Variants in SH3BGRL2 observed in about 807,000 individuals in gnomAD.
SH3BGRL2 encodes SH3 domain binding glutamate rich protein like 2.
Under a neutral mutation model 14.8 loss-of-function variants are expected in SH3BGRL2, and 21 were observed. The ratio of observed to expected loss-of-function variants is 1.42; its 90% CI spans 1.01 to 2.05. SH3BGRL2 has a LOEUF of 2.05. Among genes scored for constraint, SH3BGRL2 ranks in the 30% most tolerant of loss-of-function variants. SH3BGRL2 has a pLI of 0.00. For synonymous variants in SH3BGRL2, 50 were observed against 47.8 expected (o/e 1.05, Z -0.19); for missense variants, 147 against 130.8 (o/e 1.12, Z -0.61).
At chr6:79,602,714 G>A in the SH3BGRL2 span, among the ~76,000 whole-genome samples, 3 of 152,072 alleles carry the variant, frequency 2.0e-5, no homozygotes, top group Admixed American at 2.0e-4. Flanking sequence ...CAACTCAAAC[G>A]TTAAGAAAAA....
At chr6:79,657,195 T>C (rs1301855516) in intron 1 of SH3BGRL2, among the ~76,000 whole-genome samples, 1 of 151,886 alleles carries the variant, frequency 6.6e-6, no homozygotes, top group African/African-American at 2.4e-5. Flanking sequence ...ATGAGGAGTA[T>C]AAAATTCTGA....
chr6:79,642,955 G>T (rs1297601631), intron 1 of SH3BGRL2, among the ~76,000 whole-genome samples: 1 of 152,198 alleles, frequency 6.6e-6, no homozygotes, highest in Non-Finnish European at 1.5e-5. Flanking sequence ...GGTAAAAGCA[G>T]TAAGGGGCTT....
At chr6:79,594,576 A>C in the SH3BGRL2 span, among the ~76,000 whole-genome samples, 1 of 151,942 alleles carries the variant, frequency 6.6e-6, no homozygotes, top group Non-Finnish European at 1.5e-5. Flanking sequence ...TCCCACAGCA[A>C]TGGGTAGATG....
the SH3BGRL2 span, among the ~76,000 whole-genome samples, chr6:79,558,762 G>A: frequency 6.6e-6 from 1 of 152,040 alleles, no homozygotes. Flanking sequence ...AGCATACCTA[G>A]TGCTCAAATG....
At chr6:79,647,287 C>T (rs771547248) in intron 1 of SH3BGRL2, among the ~76,000 whole-genome samples, 1 of 151,576 alleles carries the variant, frequency 6.6e-6, no homozygotes, top group Non-Finnish European at 1.5e-5. Flanking sequence ...TTCCTAATGA[C>T]TAATAATGTT....
intron 1 of SH3BGRL2, among the ~76,000 whole-genome samples, chr6:79,650,449 G>A (rs1269326067): frequency 1.3e-5 from 2 of 152,102 alleles, no homozygotes; most frequent in East Asian, 3.9e-4. Flanking sequence ...CTGAAGCTGG[G>A]TAATTTATAA....
intron 2 of SH3BGRL2, among the ~76,000 whole-genome samples, chr6:79,686,499 C>T (rs1346446224): frequency 2.0e-5 from 3 of 152,078 alleles, no homozygotes; most frequent in Non-Finnish European, 2.9e-5. Flanking sequence ...GATCTCTAGC[C>T]TGGTTTTTAG....
At chr6:79,652,649 G>C (rs936393258) in intron 1 of SH3BGRL2, among the ~76,000 whole-genome samples, 1 of 151,954 alleles carries the variant, frequency 6.6e-6, no homozygotes, top group Non-Finnish European at 1.5e-5. Flanking sequence ...TTTTCAGGAT[G>C]AATCAATGCC....
At position 79,638,192 on chromosome 6, in the gene SH3BGRL2, T is replaced by C. The variant is rs551951840; in HGVS notation, c.45+6686T>C. Reference sequence around the variant, plus strand: ...ATAGAATGCTAGAACTTACTCCTCCTATCGAGTTGAGAACATGTATTTATC... The same window carrying C: ...ATAGAATGCTAGAACTTACTCCTCCCATCGAGTTGAGAACATGTATTTATC... On this transcript the variant is annotated intron_variant, in intron 1 of 3. Transcript: ENST00000369838. Among the ~76,000 whole-genome samples, 182 of 152,322 alleles carry C rather than the reference T, an allele frequency of 1.2e-3. 2 individuals carry two copies. Among genetic ancestry groups the C allele is most frequent in the African/African-American group, 3.9e-3 (162 of 41,578 alleles).
At chr6:79,609,077 C>A in the SH3BGRL2 span, among the ~76,000 whole-genome samples, 2 of 152,180 alleles carry the variant, frequency 1.3e-5, no homozygotes, top group Non-Finnish European at 2.9e-5. Context: ...TCAAGTTGAT[C>A]ATTTACACTA....
At chr6:79,557,591 T>C in the SH3BGRL2 span, among the ~76,000 whole-genome samples, 8 of 152,146 alleles carry the variant, frequency 5.3e-5, no homozygotes, top group Admixed American at 6.5e-5. Flanking sequence ...CTAGGAATGT[T>C]CCCATCCCAA....
At chr6:79,644,510 G>T (rs1208282370) in intron 1 of SH3BGRL2, among the ~76,000 whole-genome samples, 2 of 152,134 alleles carry the variant, frequency 1.3e-5, no homozygotes, top group African/African-American at 4.8e-5. Flanking sequence ...TCTAATATTA[G>T]ATTATTTATA....
chr6:79,584,828 T>C, the SH3BGRL2 span, among the ~76,000 whole-genome samples: 4 of 152,306 alleles, frequency 2.6e-5, no homozygotes, highest in East Asian at 7.7e-4. Context: ...TAAGATAGTT[T>C]AGCAGAATCT....
chr6:79,676,019 G>T (rs934843803), intron 2 of SH3BGRL2, among the ~76,000 whole-genome samples: 1 of 152,148 alleles, frequency 6.6e-6, no homozygotes, highest in Non-Finnish European at 1.5e-5. Flanking sequence ...GGATGACTCA[G>T]TAGCCTGTTA....
At chr6:79,567,123 G>C in the SH3BGRL2 span, among the ~76,000 whole-genome samples, 1 of 151,900 alleles carries the variant, frequency 6.6e-6, no homozygotes, top group South Asian at 2.1e-4. Context: ...AATTTTTTAG[G>C]ATTTATGTCA....
the SH3BGRL2 span, among the ~76,000 whole-genome samples, chr6:79,560,867 CTTTTTTTTTTTTTT>C: frequency 4.4e-5 from 2 of 45,744 alleles, no homozygotes; most frequent in Non-Finnish European, 7.6e-5. Context: ...ACAATACACT[CTTTTTTTTTTTTTT>C]TTTTTTTTTT....
intron 1 of SH3BGRL2, among the ~76,000 whole-genome samples, chr6:79,651,084 C>T (rs1328309236): frequency 6.6e-6 from 1 of 152,002 alleles, no homozygotes; most frequent in Non-Finnish European, 1.5e-5. Flanking sequence ...CTGACTGATA[C>T]AGAAATGAGA....
chr6:79,634,666 C>T (rs549271112), intron 1 of SH3BGRL2, among the ~76,000 whole-genome samples: 1 of 152,118 alleles, frequency 6.6e-6, no homozygotes, highest in South Asian at 2.1e-4. Context: ...TCTGGGAAGC[C>T]AGAGAATAGA....
the SH3BGRL2 span, among the ~76,000 whole-genome samples, chr6:79,621,734 G>T: frequency 2.6e-5 from 4 of 152,176 alleles, no homozygotes; most frequent in African/African-American, 9.6e-5. Context: ...ACCTTAACCC[G>T]TCGTGGCTCT....
Sources: allele counts gnomAD v4.1 joint callset (sites outside exome capture counted in the v4.1 genomes callset), GRCh38; gene constraint gnomAD v4.1.1; transcripts MANE v1.5; gene names NCBI Gene and HGNC (gene_info 2026-07-23, HGNC 2026-07-21).